The following RAPGEF5 variants were observed in gnomAD, a reference collection of about 807,000 sequenced individuals.
RAPGEF5 encodes the protein Rap guanine nucleotide exchange factor 5, also known as M-Ras-regulated GEF.
A neutral mutation model predicts 125.2 loss-of-function variants in RAPGEF5; 65 were observed. That is an observed-to-expected ratio of 0.52 (90% confidence interval 0.43 to 0.64). RAPGEF5 has a LOEUF of 0.64. RAPGEF5 is among the 30% of genes least tolerant of loss of function. RAPGEF5 has a pLI of 0.00. For synonymous variants in RAPGEF5, 391 were observed against 385.9 expected (o/e 1.01, Z -0.16); for missense variants, 958 against 1,048.1 (o/e 0.91, Z 1.19).
At chr7:22,239,813 T>C (rs759145849) in intron 7 of RAPGEF5, among the ~76,000 whole-genome samples, 13 of 152,192 alleles carry the variant, frequency 8.5e-5, no homozygotes, top group Non-Finnish European at 1.9e-4. Context: ...AATTAGAGCA[T>C]AAATACTTAT....
intron 12 of RAPGEF5, 108 bp downstream of exon 12, chr7:22,166,962 C>T (rs1465833391): frequency 1.2e-6 from 1 of 841,990 alleles, no homozygotes; most frequent in Admixed American, 2.4e-5. Flanking sequence ...TTAACATATC[C>T]ACATTCTACT....
At chr7:22,141,381 G>A (rs1783255455) in intron 20 of RAPGEF5, among the ~76,000 whole-genome samples, 2 of 152,146 alleles carry the variant, frequency 1.3e-5, no homozygotes, top group East Asian at 1.9e-4. Context: ...AAGCTATACT[G>A]ATTCCCAGCT....
intron 11 of RAPGEF5, 116 bp downstream of exon 11, chr7:22,193,251 A>G: frequency 8.9e-7 from 1 of 1,122,562 alleles, no homozygotes; most frequent in Non-Finnish European, 1.3e-6. Flanking sequence ...CGCACAAAGC[A>G]TATGCTATTT....
chr7:22,154,119 C>T (rs972345693), intron 17 of RAPGEF5, among the ~76,000 whole-genome samples: 2 of 151,816 alleles, frequency 1.3e-5, no homozygotes, highest in African/African-American at 4.8e-5. Flanking sequence ...TTTTTTTCCA[C>T]CCCAAAGTAA....
At chr7:22,280,627 T>A (rs972639887) in intron 6 of RAPGEF5, among the ~76,000 whole-genome samples, 1 of 152,138 alleles carries the variant, frequency 6.6e-6, no homozygotes, top group African/African-American at 2.4e-5. Flanking sequence ...AAGGGTAAAT[T>A]TTTTCCTGCT....
At chr7:22,329,933 A>C (rs1324539049) in intron 1 of RAPGEF5, among the ~76,000 whole-genome samples, 3 of 152,162 alleles carry the variant, frequency 2.0e-5, no homozygotes, top group Admixed American at 6.5e-5. Flanking sequence ...CTCTCTCTTC[A>C]GGGTCAGCAA....
chr7:22,157,720 T>G (rs1783853118), intron 15 of RAPGEF5, 135 bp downstream of exon 15: 1 of 927,108 alleles, frequency 1.1e-6, no homozygotes, highest in Non-Finnish European at 1.7e-6. Flanking sequence ...GCAGGGAAGC[T>G]GCAGCCCCAG....
chr7:22,288,492 T>C (rs1157851728), intron 6 of RAPGEF5, among the ~76,000 whole-genome samples: 2 of 151,162 alleles, frequency 1.3e-5, no homozygotes, highest in African/African-American at 4.9e-5. Flanking sequence ...TACCCACTCA[T>C]ACTGATTTTT....
chr7:22,152,918 A>G (rs920521995), intron 17 of RAPGEF5, among the ~76,000 whole-genome samples: 1 of 152,248 alleles, frequency 6.6e-6, no homozygotes, highest in East Asian at 1.9e-4. Flanking sequence ...AGATATGCTG[A>G]TATTTCTAGT....
At chr7:22,316,460 C>CATATATATATAT (rs757768702) in intron 2 of RAPGEF5, among the ~76,000 whole-genome samples, 1 of 92,740 alleles carries the variant, frequency 1.1e-5, no homozygotes, top group African/African-American at 4.6e-5. Context: ...TATACATAGA[C>CATATATATATAT]ATATATATAT....
intron 3 of RAPGEF5, chr7:22,314,724 CT>C (rs762631150): frequency 1.6e-6 from 1 of 641,934 alleles, no homozygotes. Context: ...GGCTTAATAT[CT>C]TTATCTGGCA....
chr7:22,182,352 G>A (rs939712359), intron 11 of RAPGEF5, among the ~76,000 whole-genome samples: 2 of 152,148 alleles, frequency 1.3e-5, no homozygotes, highest in Non-Finnish European at 2.9e-5. Flanking sequence ...TTCAGCTGCC[G>A]ATGTTAGAGT....
At chr7:22,197,886 T>G (rs980810371) in intron 9 of RAPGEF5, among the ~76,000 whole-genome samples, 4 of 37,742 alleles carry the variant, frequency 1.1e-4, no homozygotes, top group Non-Finnish European at 2.1e-4. Flanking sequence ...TCTTTTTTCT[T>G]TTTTTTTGGG....
At chr7:22,317,639 T>C (rs149479017) in intron 2 of RAPGEF5, among the ~76,000 whole-genome samples, 2 of 152,344 alleles carry the variant, frequency 1.3e-5, no homozygotes, top group African/African-American at 4.8e-5. Flanking sequence ...GTAAAATATA[T>C]GCTATTTGTA....
At chr7:22,270,830 T>G (rs1782400031) in intron 6 of RAPGEF5, among the ~76,000 whole-genome samples, 1 of 152,326 alleles carries the variant, frequency 6.6e-6, no homozygotes, top group South Asian at 2.1e-4. Flanking sequence ...TTCCATGAAA[T>G]GCATTACTAT....
intron 1 of RAPGEF5, among the ~76,000 whole-genome samples, chr7:22,322,022 G>A (rs778225822): frequency 1.2e-4 from 19 of 152,138 alleles, no homozygotes; most frequent in Non-Finnish European, 2.4e-4. Context: ...AATGGGTCAG[G>A]TGCGGTGGAT....
At chr7:22,286,467 C>G (rs188559415) in intron 6 of RAPGEF5, among the ~76,000 whole-genome samples, 2 of 152,272 alleles carry the variant, frequency 1.3e-5, no homozygotes, top group Non-Finnish European at 2.9e-5. Context: ...CTACAATTTC[C>G]AACATAAAAA....
At chr7:22,328,094 C>T (rs1783848818) in intron 1 of RAPGEF5, among the ~76,000 whole-genome samples, 1 of 152,232 alleles carries the variant, frequency 6.6e-6, no homozygotes. Flanking sequence ...GGATTATATA[C>T]TTTTCACCCA....
chr7:22,289,494 A>ATG (rs1261942164), intron 6 of RAPGEF5, among the ~76,000 whole-genome samples: 1 of 152,244 alleles, frequency 6.6e-6, no homozygotes, highest in African/African-American at 2.4e-5. Flanking sequence ...ATGTGTATGT[A>ATG]TGTGTGTGTA....
Sources: allele counts gnomAD v4.1 joint callset (sites outside exome capture counted in the v4.1 genomes callset), GRCh38; gene constraint gnomAD v4.1.1; transcripts MANE v1.5; gene names NCBI Gene and HGNC (gene_info 2026-07-23, HGNC 2026-07-21).